Variants in EPHB2 observed in about 807,000 individuals in gnomAD.
The protein encoded by EPHB2 is EPH receptor B2.
EPHB2 carries 18 observed loss-of-function variants against 96.4 expected under a neutral mutation model. The observed-to-expected ratio is 0.19, with a 90% CI of 0.13 to 0.28. EPHB2 has a LOEUF of 0.28. Ranked by LOEUF, EPHB2 falls within the 10% of genes least tolerant of loss-of-function variation. EPHB2 has a pLI of 1.00. For missense variants in EPHB2, 989 were observed against 1,355.4 expected (o/e 0.73, Z 4.25); for synonymous variants, 506 against 534.1 (o/e 0.95, Z 0.72).
Position 22,865,216 on chromosome 1 carries a change from A to C in EPHB2, c.1303+4A>C. On this transcript the variant is annotated splice_donor_region_variant and intron_variant, in intron 5 of 15. Coordinates refer to ENST00000374630, the MANE Select transcript of EPHB2 (RefSeq NM_017449.5). ...AACATCACCACCAACCAGGCAGGTA[A>C]GTGCTTCCGACGTGGGCCAGGGGAG... 6.2e-7 allele frequency: 1 copy of C among 1,614,196 alleles called. No individual in the cohort carries two copies. The highest frequency in any genetic ancestry group is 1.1e-5 in the South Asian group (1 of 91,082).
In EPHB2 at chr1:22,733,749, C is replaced by T. The variant is rs964104818; in HGVS notation, c.61+22706C>T. 2.6e-5 allele frequency among the ~76,000 whole-genome samples: 4 copies of T among 152,170 alleles called. No individual in the cohort carries two copies. The highest frequency in any genetic ancestry group is 2.1e-4 in the South Asian group (1 of 4,832). On this transcript the variant is annotated intron_variant, in intron 1 of 15. Transcript: ENST00000374630. This position sits in a 1 kb window ranked among gnomAD's most constrained non-coding sequence, Gnocchi z 4.6. Reference sequence around the variant, plus strand: ...AAGTCCAAAGCCCATGCTCATGACACGCTACTACATCAGGCTGGTATGATT... The same window carrying T: ...AAGTCCAAAGCCCATGCTCATGACATGCTACTACATCAGGCTGGTATGATT...
At chr1:22,797,286 T>G (rs1017302259) in intron 3 of EPHB2, among the ~76,000 whole-genome samples, 1 of 152,138 alleles carries the variant, frequency 6.6e-6, no homozygotes, top group Non-Finnish European at 1.5e-5. Context: ...AGGCCTCCAG[T>G]GATGTCCATG....
At chr1:22,902,113 A>G (rs929953524) in intron 9 of EPHB2, among the ~76,000 whole-genome samples, 3 of 152,228 alleles carry the variant, frequency 2.0e-5, no homozygotes, top group African/African-American at 7.2e-5. Context: ...GGCTTGAGCC[A>G]CAGTGTCCAA....
At chr1:22,738,071 A>T (rs769050023) in intron 1 of EPHB2, among the ~76,000 whole-genome samples, 3 of 151,894 alleles carry the variant, frequency 2.0e-5, no homozygotes, top group East Asian at 1.9e-4. Flanking sequence ...ATTTAAAGAT[A>T]AAAAAAATAC....
In EPHB2 at chr1:22,768,693, TA is replaced by T. The variant is rs796407924; in HGVS notation, c.62-12715del. Among the ~76,000 whole-genome samples the T allele has an allele frequency of 7.7e-3, 1,056 of 137,824 alleles. 3 individuals are homozygous for T. Among genetic ancestry groups the T allele is most frequent in the African/African-American group, 0.012 (475 of 38,290 alleles). The allele number at this position is 137,824 out of a possible 152,430, so 90.4% of individuals were successfully genotyped here. On this transcript the variant is annotated intron_variant, in intron 1 of 15. Coordinates refer to ENST00000374630, the MANE Select transcript of EPHB2 (RefSeq NM_017449.5). ...TAACAGAGAGAGATCCTGTCTCCAT[TA>T]AAAAAAAAAAAAGAAGACTCTTTGT...
At chr1:22,777,421 G>A (rs1010555350) in intron 1 of EPHB2, among the ~76,000 whole-genome samples, 1 of 152,306 alleles carries the variant, frequency 6.6e-6, no homozygotes, top group Admixed American at 6.5e-5. Context: ...GCAGACGTGA[G>A]TTCTCTCCCT....
intron 1 of EPHB2, among the ~76,000 whole-genome samples, chr1:22,711,821 C>A (rs546897209): frequency 8.6e-5 from 13 of 151,886 alleles, no homozygotes; most frequent in African/African-American, 2.9e-4. Flanking sequence ...TTGGCCTTGG[C>A]CAGGGTCGCG....
At position 22,882,498 on chromosome 1, in the gene EPHB2, G is replaced by T. The variant is rs1440757041; in HGVS notation, c.1428+15G>T. On this transcript the variant is annotated intron_variant, in intron 6 of 15. Coordinates refer to ENST00000374630, the MANE Select transcript of EPHB2 (RefSeq NM_017449.5). Reference sequence around the variant, plus strand: ...ACTATGAGAAGGTACCTATTGGCTGGGTGCTGTCCCCATCACCCACCTCCC... The same window carrying T: ...ACTATGAGAAGGTACCTATTGGCTGTGTGCTGTCCCCATCACCCACCTCCC... 1 of 1,613,400 alleles carries T rather than the reference G, an allele frequency of 6.2e-7. No individual in the cohort carries two copies. Among genetic ancestry groups the T allele is most frequent in the South Asian group, 1.1e-5 (1 of 91,012 alleles).
In EPHB2 at chr1:22,913,099, AG is replaced by A. The variant is rs1416879675; in HGVS notation, c.2853-359del. On this transcript the variant is annotated intron_variant, in intron 15 of 15. Transcript: ENST00000374630. The surrounding 1 kb of genome is among the most constrained non-coding windows in gnomAD (Gnocchi z 4.1). Reference sequence around the variant, plus strand: ...TGCCAGCTACTCGGGAGGCTGAGGCAGGGGAATTGCTTGAACCAAGGAGGTA... The same window carrying A: ...TGCCAGCTACTCGGGAGGCTGAGGCAGGGAATTGCTTGAACCAAGGAGGTA... 5.4e-6 allele frequency: 2 copies of A among 370,104 alleles called. No individual in the cohort carries two copies. Among genetic ancestry groups the A allele is most frequent in the Non-Finnish European group, 1.0e-5 (2 of 192,990 alleles). The allele number at this position is 370,104 out of a possible 1,614,324, so 22.9% of individuals were successfully genotyped here.
intron 3 of EPHB2, among the ~76,000 whole-genome samples, chr1:22,803,959 A>C (rs1334380476): frequency 6.6e-6 from 1 of 152,038 alleles, no homozygotes; most frequent in Non-Finnish European, 1.5e-5. Context: ...AGGAGGCCAC[A>C]GTGCCACAAG....
intron 13 of EPHB2, among the ~76,000 whole-genome samples, chr1:22,909,638 G>A (rs150119356): frequency 4.6e-5 from 7 of 152,312 alleles, no homozygotes; most frequent in South Asian, 4.1e-4. Context: ...TCGAAAGGTC[G>A]CAGGACATGG....
intron 3 of EPHB2, among the ~76,000 whole-genome samples, chr1:22,803,364 T>C (rs1473096512): frequency 6.6e-6 from 1 of 152,088 alleles, no homozygotes; most frequent in African/African-American, 2.4e-5. Context: ...CTCAGCACTT[T>C]GGGAGGCTGA....
chr1:22,815,636 C>T lies in EPHB2; in HGVS notation c.811+30560C>T, dbSNP rs181309560. On this transcript the variant is annotated intron_variant, in intron 3 of 15. Transcript: ENST00000374630. ...AGTCTCAGGGGCCGTTCAAAGATTC[C>T]GAAGGCATGTGAACATTTTGGAAGC... 2.6e-5 allele frequency among the ~76,000 whole-genome samples: 4 copies of T among 152,360 alleles called. No individual in the cohort carries two copies. The East Asian group carries it at 5.8e-4, about 22-fold the overall frequency.
chr1:22,742,699 C>T (rs955823737), intron 1 of EPHB2, among the ~76,000 whole-genome samples: 27 of 150,914 alleles, frequency 1.8e-4, no homozygotes, highest in African/African-American at 6.3e-4. Context: ...AGAGGGGACT[C>T]ACTAAGTTGC....
intron 3 of EPHB2, 100 bp from the exon 4 acceptor site, chr1:22,862,937 C>G: frequency 2.0e-6 from 3 of 1,492,526 alleles, no homozygotes; most frequent in South Asian, 2.3e-5. Flanking sequence ...TGCATGGCCC[C>G]TCCGCGAGGC....
At chr1:22,737,774 A>G (rs1643862715) in intron 1 of EPHB2, among the ~76,000 whole-genome samples, 1 of 152,172 alleles carries the variant, frequency 6.6e-6, no homozygotes, top group Admixed American at 6.5e-5. Context: ...TCTTGGGTTG[A>G]TGTTTTATGA....
chr1:22,764,936 C>T (rs894138713), intron 1 of EPHB2, among the ~76,000 whole-genome samples: 4 of 152,122 alleles, frequency 2.6e-5, no homozygotes, highest in Admixed American at 2.6e-4. Flanking sequence ...TTGGGTTCCT[C>T]CAAGCAGGGG....
rs1557671847 is a variant in EPHB2 at position 22,784,385 on chromosome 1, C to T, written c.127-7C>T. 7 of 1,613,974 alleles carry T rather than the reference C, an allele frequency of 4.3e-6. No homozygotes were observed. The South Asian group carries it at 4.4e-5, about 10-fold the overall frequency. Reference sequence around the variant, plus strand: ...ACCTCCCCACCTGACGAGCATTTTACCCACAGTGGGAAGAGGTGAGTGGCT... The same window carrying T: ...ACCTCCCCACCTGACGAGCATTTTATCCACAGTGGGAAGAGGTGAGTGGCT... On this transcript the variant is annotated splice_region_variant and splice_polypyrimidine_tract_variant and intron_variant, in intron 2 of 15. Transcript: ENST00000374630. This position sits in a 1 kb window ranked among gnomAD's most constrained non-coding sequence, Gnocchi z 5.1.
chr1:22,892,906 C>CA lies in EPHB2; in HGVS notation c.1452dup (p.Ala485SerfsTer82). On this transcript the variant is annotated frameshift_variant, in exon 7 of 16. Transcript: ENST00000374630. LOFTEE classifies it high-confidence loss of function. ...CAGGAGCTCAGTGAGTACAACGCCA[C>CA]AGCCATAAAAAGCCCCACCAACACG... 1 of 1,614,248 alleles carries CA rather than the reference C, an allele frequency of 6.2e-7. No homozygotes were observed. The highest frequency in any genetic ancestry group is 8.5e-7 in the Non-Finnish European group (1 of 1,180,046).
Sources: allele counts gnomAD v4.1 joint callset (sites outside exome capture counted in the v4.1 genomes callset), GRCh38; gene constraint gnomAD v4.1.1; non-coding constraint Gnocchi (gnomAD v3.1); transcripts MANE v1.5; gene names NCBI Gene and HGNC (gene_info 2026-07-23, HGNC 2026-07-21).